TERF1: variants seen among roughly 807,000 people sequenced by gnomAD.
The protein encoded by TERF1 is telomeric repeat-binding factor 1.
TERF1 carries 20 observed loss-of-function variants against 55.1 expected under a neutral mutation model. The ratio of observed to expected loss-of-function variants is 0.36; its 90% CI spans 0.26 to 0.53. The LOEUF (loss-of-function observed/expected upper bound fraction) is 0.53. TERF1 is among the 20% of genes least tolerant of loss of function. The pLI is 0.91. For synonymous variants in TERF1, 168 were observed against 181.2 expected (o/e 0.93, Z 0.59); for missense variants, 439 against 535.7 (o/e 0.82, Z 1.78).
At chr8:73,039,787 GT>G (rs1809757017) in intron 9 of TERF1, among the ~76,000 whole-genome samples, 1 of 144,354 alleles carries the variant, frequency 6.9e-6, no homozygotes, top group Non-Finnish European at 1.5e-5. Flanking sequence ...GTGTGTGTGT[GT>G]GTGTGTGTGT....
At chr8:73,031,449 T>G (rs1409371380) in intron 7 of TERF1, 1 of 152,110 alleles carries the variant, frequency 6.6e-6, no homozygotes, top group Non-Finnish European at 1.5e-5. Context: ...ACATTTTAGG[T>G]GGAGATAATA....
At chr8:73,037,873 T>TATATA (rs1563472382) in intron 8 of TERF1, among the ~76,000 whole-genome samples, 4 of 114,682 alleles carry the variant, frequency 3.5e-5, no homozygotes, top group African/African-American at 1.4e-4. Context: ...TGATATATAA[T>TATATA]ATATATAAAT....
chr8:73,039,770 G>GGTGTGTGTGTGTGTGTGTGTGT (rs35184446), intron 9 of TERF1, among the ~76,000 whole-genome samples: 1 of 136,364 alleles, frequency 7.3e-6, no homozygotes, highest in Non-Finnish European at 1.6e-5. Context: ...TTGTTTTTGT[G>GGTGTGTGTGTGTGTGTGTGTGT]GTGTGTGTGT....
chr8:73,016,738 C>T (rs562556566), intron 2 of TERF1, among the ~76,000 whole-genome samples: 286 of 152,220 alleles, frequency 1.9e-3, no homozygotes, highest in Middle Eastern at 3.4e-3. Context: ...ATTGCATTGC[C>T]GTGGAACTCA....
intron 7 of TERF1, chr8:73,031,154 A>G (rs1809265364): frequency 1.3e-5 from 2 of 152,236 alleles, no homozygotes; most frequent in African/African-American, 4.8e-5. Context: ...AGTGGCATTC[A>G]TTAGGAAATG....
In TERF1 at chr8:73,009,091, G is replaced by A. The variant is rs1165654140; in HGVS notation, c.205G>A (p.Glu69Lys). Residue 69 changes from glutamate (E) to lysine (K), a missense_variant, in exon 1 of 10, where the codon GAG becomes AAG. Around this residue, in one of 4 missense-constraint regions of TERF1, gnomAD observed 179 missense variants for 152.6 expected, o/e 1.17. Transcript: ENST00000276603. ...GGAGGAGGACGCGGGCCTGGTGGCC[G>A]AGGCCGAGGCCGTGGCTGCCGGCTG... ...EEEEDAGLVAEAEAVAAGWML... is the reference protein window; with the variant it reads ...EEEEDAGLVAKAEAVAAGWML... The A allele has an allele frequency of 6.2e-7, 1 of 1,609,618 alleles. No homozygotes were observed. Among genetic ancestry groups the A allele is most frequent in the Non-Finnish European group, 8.5e-7 (1 of 1,178,690 alleles).
chr8:73,026,637 ATTTTT>A (rs34434440), intron 5 of TERF1, among the ~76,000 whole-genome samples: 1 of 148,164 alleles, frequency 6.7e-6, no homozygotes. Context: ...TAGAATTTTT[ATTTTT>A]TTTTTTTTTC....
chr8:73,039,300 C>A, intron 9 of TERF1, 81 bp downstream of exon 9: 1 of 1,015,652 alleles, frequency 9.8e-7, no homozygotes, highest in Non-Finnish European at 1.4e-6. Flanking sequence ...TTCTGTTCAA[C>A]CTCCCCAAAA....
intron 6 of TERF1, among the ~76,000 whole-genome samples, chr8:73,027,952 C>T (rs1809089976): frequency 6.6e-6 from 1 of 152,162 alleles, no homozygotes; most frequent in African/African-American, 2.4e-5. Context: ...CAAAGCATGA[C>T]TTGTTCCTCA....
intron 2 of TERF1, among the ~76,000 whole-genome samples, chr8:73,017,289 A>G (rs1808552956): frequency 6.6e-6 from 1 of 152,164 alleles, no homozygotes; most frequent in African/African-American, 2.4e-5. Context: ...TAGGCAGTCT[A>G]CCTTTGCATT....
Position 73,047,877 on chromosome 8 carries a change from A to G in TERF1, c.*1740A>G, listed in dbSNP as rs1253964460. On this transcript the variant is annotated 3_prime_UTR_variant, in exon 10 of 10. Transcript: ENST00000276603. ...ACTTGTTAAGTCAACCTCATTCCAA[A>G]CACCTGCTATAGATCATCAAATCTA... 1 of 152,212 alleles carries G rather than the reference A, an allele frequency of 6.6e-6. No homozygotes were observed. The highest frequency in any genetic ancestry group is 1.5e-5 in the Non-Finnish European group (1 of 68,044). 9.4% of individuals were successfully genotyped at this position (152,212 alleles called of 1,614,324 possible).
In TERF1 at chr8:73,036,572, AG is replaced by A. The variant is rs773456444; in HGVS notation, c.1040-2541del. Among the ~76,000 whole-genome samples the A allele has an allele frequency of 3.3e-5, 5 of 151,966 alleles. No homozygotes were observed. In the East Asian group the frequency reaches 9.6e-4, roughly 29 times the overall value. On this transcript the variant is annotated intron_variant, in intron 8 of 9. Coordinates refer to ENST00000276603, the MANE Select transcript of TERF1 (RefSeq NM_017489.3). The stretch of plus-strand genomic sequence containing the variant: ...TATACAGTCATCCCTTGGTTTTCAC[AG>A]GGTATTGGTTCCAGGACCCATCCCC...
At position 73,014,405 on chromosome 8, in the gene TERF1, G is replaced by A. The variant is rs575754337; in HGVS notation, c.415+415G>A. On this transcript the variant is annotated intron_variant, in intron 2 of 9. Transcript: ENST00000276603. The stretch of plus-strand genomic sequence containing the variant: ...TTCATTGACTCTATTTGCTAACTTT[G>A]TGGTGACTCCAATCATACACACTCT... Among the ~76,000 whole-genome samples, 9 of 150,236 alleles carry A rather than the reference G, an allele frequency of 6.0e-5. No homozygotes were observed. The South Asian group carries it at 1.9e-3, about 32-fold the overall frequency.
chr8:73,040,126 C>T (rs1809774533), intron 9 of TERF1, among the ~76,000 whole-genome samples: 1 of 151,366 alleles, frequency 6.6e-6, no homozygotes, highest in Non-Finnish European at 1.5e-5. Flanking sequence ...CTTCATTTCT[C>T]CCCCAGTGAA....
intron 2 of TERF1, among the ~76,000 whole-genome samples, chr8:73,019,340 A>G (rs1808651414): frequency 6.6e-6 from 1 of 152,208 alleles, no homozygotes; most frequent in South Asian, 2.1e-4. Context: ...GTCCTCACCC[A>G]GGCTTCCTAT....
rs755404940 is a variant in TERF1, at chr8:73,039,099, T to C, written c.1040-17T>C. On this transcript the variant is annotated splice_polypyrimidine_tract_variant and intron_variant, in intron 8 of 9. Coordinates refer to ENST00000276603, the MANE Select transcript of TERF1 (RefSeq NM_017489.3). ...TAATGTAAATCAATATTTATGACAT[T>C]ATTTTTCTACTTTTAGGTACAAAAA... is the stretch of plus-strand genomic sequence containing the variant. The C allele has an allele frequency of 1.4e-6, 2 of 1,475,558 alleles. No homozygotes were observed. Among genetic ancestry groups the C allele is most frequent in the South Asian group, 2.6e-5 (2 of 78,392 alleles). 91.4% of individuals were successfully genotyped at this position (1,475,558 alleles called of 1,614,324 possible).
intron 2 of TERF1, among the ~76,000 whole-genome samples, chr8:73,020,387 T>G (rs528458138): frequency 1.3e-5 from 2 of 152,194 alleles, no homozygotes; most frequent in East Asian, 3.8e-4. Context: ...AGGAACCACT[T>G]AAGAATTCTG....
rs568248791 is a variant in TERF1, at chr8:73,047,205, A to C, written c.*1068A>C. On this transcript the variant is annotated 3_prime_UTR_variant, in exon 10 of 10. Transcript: ENST00000276603. ...AAAATCGAAATAATTTTTTTAAAAA[A>C]GAAAAAGACAATAGTATTACCCATG... 1.3e-5 allele frequency: 2 copies of C among 152,208 alleles called. No individual in the cohort carries two copies. Among genetic ancestry groups the C allele is most frequent in the African/African-American group, 4.8e-5 (2 of 41,456 alleles). The allele number at this position is 152,208 out of a possible 1,614,324, so 9.4% of individuals were successfully genotyped here.
intron 3 of TERF1, among the ~76,000 whole-genome samples, chr8:73,021,752 A>G (rs186576310): frequency 3.3e-5 from 5 of 152,294 alleles, no homozygotes; most frequent in Admixed American, 3.3e-4. Context: ...CAATGCATGA[A>G]AAAAATGATC....
Sources: gnomAD v4.1 joint callset for allele counts (sites outside exome capture counted in the v4.1 genomes callset) on GRCh38, gnomAD v4.1.1 for gene constraint, gnomAD v4.1.1 regional missense constraint, MANE v1.5 for transcripts, NCBI Gene and HGNC (gene_info 2026-07-23, HGNC 2026-07-21) for gene names.